WIPF1: variants seen among roughly 807,000 people sequenced by gnomAD.
The protein encoded by WIPF1 is WAS/WASL interacting protein family member 1, also known as WAS/WASL-interacting protein family member 1.
WIPF1 carries 13 observed loss-of-function variants against 35.4 expected under a neutral mutation model. The observed-to-expected ratio is 0.37, with a 90% confidence interval of 0.24 to 0.58. The LOEUF (loss-of-function observed/expected upper bound fraction) is 0.58. WIPF1 is among the 20% of genes least tolerant of loss of function. The pLI is 0.74. For synonymous variants in WIPF1, 267 were observed against 266.3 expected, an observed-to-expected ratio of 1.00 and a Z score of -0.02; for missense variants, 591 against 667.0, an observed-to-expected ratio of 0.89 and a Z score of 1.25.
intron 1 of WIPF1, among the ~76,000 whole-genome samples, chr2:174,621,512 T>C (rs1228272058): frequency 6.6e-6 from 1 of 150,908 alleles, no homozygotes; most frequent in African/African-American, 2.4e-5. Flanking sequence ...TCCACCCCCA[T>C]CGCCCACACA....
chr2:174,648,823 T>A (rs914182311), intron 1 of WIPF1, among the ~76,000 whole-genome samples: 2 of 152,166 alleles, frequency 1.3e-5, no homozygotes, highest in Admixed American at 1.3e-4. Flanking sequence ...TTTAGGGTTA[T>A]AAAAACAAAA....
At chr2:174,567,020 C>G in intron 7 of WIPF1, 50 bp downstream of exon 7, 1 of 1,573,596 alleles carries the variant, frequency 6.4e-7, no homozygotes. Flanking sequence ...CCGAGTGTCA[C>G]TCAGGCTACT....
intron 2 of WIPF1, among the ~76,000 whole-genome samples, chr2:174,582,873 C>T (rs1685284740): frequency 6.6e-6 from 1 of 152,232 alleles, no homozygotes; most frequent in Admixed American, 6.5e-5. Flanking sequence ...TAATAGTTAA[C>T]ATATACTCTG....
At chr2:174,682,247 G>C (rs1281266183) in intron 1 of WIPF1, among the ~76,000 whole-genome samples, 2 of 152,212 alleles carry the variant, frequency 1.3e-5, no homozygotes, top group Non-Finnish European at 2.9e-5. Flanking sequence ...CCGCCCGGGA[G>C]GGCCGGGAGG....
rs560424291 is a variant in WIPF1, at chr2:174,572,296, G to C, written c.509C>G (p.Pro170Arg). The change falls in exon 5 of 8, where the codon CCG becomes CGG. Residue 170 changes from proline (P) to arginine (R), a missense_variant. Physicochemically the swap from Pro to Arg is moderately radical, Grantham distance 103. This residue lies in a region of WIPF1 where 471 missense variants were observed against 501.1 expected (regional missense o/e 0.94). Coordinates refer to ENST00000679041, the MANE Select transcript of WIPF1 (RefSeq NM_001375834.1). ...TGAGCCCACGTCGGGCCTTGGGGGCGGCATTCGGTTCCTCTGAGGCTCTGG... is the reference window on the plus strand; with the variant it reads ...TGAGCCCACGTCGGGCCTTGGGGGCCGCATTCGGTTCCTCTGAGGCTCTGG... ...GPPEPQRNRMPPPRPDVGSKP... is the reference protein window; with the variant it reads ...GPPEPQRNRMRPPRPDVGSKP... The C allele has an allele frequency of 4.6e-5, 75 of 1,614,146 alleles. No individual in the cohort carries two copies. The East Asian group carries it at 1.6e-3, about 34-fold the overall frequency.
chr2:174,667,025 C>T (rs749883613), intron 1 of WIPF1, among the ~76,000 whole-genome samples: 36 of 152,360 alleles, frequency 2.4e-4, no homozygotes, highest in African/African-American at 7.9e-4. Flanking sequence ...TCCCTGAAAA[C>T]CTTGCTGTAT....
At chr2:174,589,652 T>G (rs894639430) in intron 1 of WIPF1, among the ~76,000 whole-genome samples, 3 of 152,248 alleles carry the variant, frequency 2.0e-5, no homozygotes, top group Non-Finnish European at 4.4e-5. Context: ...ACATATTATT[T>G]CTACTAAGCA....
intron 1 of WIPF1, among the ~76,000 whole-genome samples, chr2:174,659,924 T>C (rs914434817): frequency 1.3e-5 from 2 of 152,102 alleles, no homozygotes; most frequent in African/African-American, 4.8e-5. Flanking sequence ...CCCAGGACAG[T>C]CCTCATTTAT....
At chr2:174,667,828 C>T (rs962189279) in intron 1 of WIPF1, among the ~76,000 whole-genome samples, 1 of 152,196 alleles carries the variant, frequency 6.6e-6, no homozygotes, top group South Asian at 2.1e-4. Context: ...AGGAAGTAGC[C>T]ATTTCCCTCC....
At chr2:174,651,104 T>C (rs1464489725) in intron 1 of WIPF1, among the ~76,000 whole-genome samples, 2 of 152,218 alleles carry the variant, frequency 1.3e-5, no homozygotes, top group Non-Finnish European at 2.9e-5. Flanking sequence ...CGTTCAAACT[T>C]CTAAGTCATC....
chr2:174,636,104 G>A (rs1025964122), intron 1 of WIPF1, among the ~76,000 whole-genome samples: 1 of 152,188 alleles, frequency 6.6e-6, no homozygotes, highest in Non-Finnish European at 1.5e-5. Context: ...CCATCTTGGA[G>A]TCAGAAATTG....
At chr2:174,597,809 A>T (rs979583145), upstream of WIPF1, 3 of 152,536 alleles carry the variant, frequency 2.0e-5, no homozygotes, top group Non-Finnish European at 2.9e-5. Context: ...TTCTGTGGTT[A>T]TTCGCTTCCT....
At chr2:174,565,640 C>T (rs1046253420) in intron 7 of WIPF1, among the ~76,000 whole-genome samples, 12 of 152,146 alleles carry the variant, frequency 7.9e-5, no homozygotes, top group Non-Finnish European at 1.6e-4. Flanking sequence ...TGGAACCAAC[C>T]AACCAAAAAT....
In WIPF1 at chr2:174,571,630, G is replaced by C; in HGVS notation, c.1129+46C>G. 1 of 1,612,262 alleles carries C rather than the reference G, an allele frequency of 6.2e-7. No homozygotes were observed. Among genetic ancestry groups the C allele is most frequent in the Non-Finnish European group, 8.5e-7 (1 of 1,178,544 alleles). ...GACTGACAGGATTATTGGTACATTT[G>C]GGCAGGCTGGGTTTTGGAAGCAACT... On this transcript the variant is annotated intron_variant, in intron 5 of 7. Transcript: ENST00000679041. The surrounding 1 kb of genome is among the most constrained non-coding windows in gnomAD (Gnocchi z 4.6).
intron 1 of WIPF1, among the ~76,000 whole-genome samples, chr2:174,593,562 A>G (rs1351026492): frequency 6.6e-6 from 1 of 152,242 alleles, no homozygotes; most frequent in African/African-American, 2.4e-5. Flanking sequence ...TCCATGATGC[A>G]AACTTAGCTG....
chr2:174,638,872 T>G (rs1687239852), intron 1 of WIPF1, among the ~76,000 whole-genome samples: 1 of 152,264 alleles, frequency 6.6e-6, no homozygotes, highest in Admixed American at 6.5e-5. Context: ...TTCAACATAA[T>G]GATTTCATAT....
chr2:174,562,276 T>C lies in WIPF1; in HGVS notation c.*271A>G. ...GGAAAGCTGGGATGCAAGTCATCTC[T>C]GCCTATTACGACAAAAGCCTATCGA... On this transcript the variant is annotated 3_prime_UTR_variant, in exon 8 of 8. Transcript: ENST00000679041. 1 of 1,529,400 alleles carries C rather than the reference T, an allele frequency of 6.5e-7. No homozygotes were observed. Among genetic ancestry groups the C allele is most frequent in the Non-Finnish European group, 8.8e-7 (1 of 1,134,868 alleles). 94.7% of individuals were successfully genotyped at this position (1,529,400 alleles called of 1,614,324 possible).
chr2:174,653,412 T>A (rs1428288112), intron 1 of WIPF1, among the ~76,000 whole-genome samples: 1 of 152,078 alleles, frequency 6.6e-6, no homozygotes. Context: ...TACCTAGGAA[T>A]CCTGTCCTGG....
At chr2:174,568,138 T>G (rs1476351816) in intron 5 of WIPF1, 65 bp from the exon 6 acceptor site, 13 of 1,524,912 alleles carry the variant, frequency 8.5e-6, no homozygotes, top group Non-Finnish European at 1.8e-6. Flanking sequence ...TGGTCACCAT[T>G]GGTGTACAGC....
Sources: allele counts gnomAD v4.1 joint callset (sites outside exome capture counted in the v4.1 genomes callset), GRCh38; gene constraint gnomAD v4.1.1; regional missense constraint gnomAD v4.1.1; non-coding constraint Gnocchi (gnomAD v3.1); transcripts MANE v1.5; gene names NCBI Gene and HGNC (gene_info 2026-07-23, HGNC 2026-07-21).